Variants in NRG1 observed in about 807,000 individuals in gnomAD.
NRG1 encodes the protein neuregulin 1.
In NRG1, 18 loss-of-function variants were observed where a neutral mutation model predicts 63.8. That is an observed-to-expected ratio of 0.28 (90% confidence interval 0.19 to 0.42). The LOEUF is 0.42. Among genes scored for constraint, NRG1 ranks in the 10% least tolerant of loss-of-function variants. The pLI, the probability that NRG1 is intolerant of heterozygous loss-of-function variation, is 1.00. For missense variants in NRG1, 762 were observed against 814.7 expected (o/e 0.94, Z 0.79); for synonymous variants, 302 against 301.3 (o/e 1.00, Z -0.02).
intron 1 of NRG1, among the ~76,000 whole-genome samples, chr8:31,993,458 A>C (rs1261745700): frequency 1.3e-5 from 2 of 152,022 alleles, no homozygotes; most frequent in Non-Finnish European, 2.9e-5. Context: ...AGATGATTGA[A>C]TCATGGGGGC....
At chr8:31,784,332 G>C (rs1819977920) in intron 1 of NRG1, among the ~76,000 whole-genome samples, 1 of 152,186 alleles carries the variant, frequency 6.6e-6, no homozygotes, top group Non-Finnish European at 1.5e-5. Context: ...TATGAGCTAA[G>C]AGCTTCTGCA....
chr8:31,691,244 G>A (rs1280175956), intron 1 of NRG1, among the ~76,000 whole-genome samples: 2 of 152,136 alleles, frequency 1.3e-5, no homozygotes, highest in Non-Finnish European at 2.9e-5. Context: ...ATTAAAAGGT[G>A]AAAAACAGAA....
intron 1 of NRG1, among the ~76,000 whole-genome samples, chr8:32,343,106 G>A (rs1425287098): frequency 6.6e-6 from 1 of 152,166 alleles, no homozygotes; most frequent in African/African-American, 2.4e-5. Context: ...CCTGCATTAT[G>A]CCGAAGAGCT....
chr8:31,854,540 T>G (rs1827634152), intron 1 of NRG1, among the ~76,000 whole-genome samples: 1 of 152,034 alleles, frequency 6.6e-6, no homozygotes, highest in Non-Finnish European at 1.5e-5. Context: ...CTATCAATTT[T>G]GTTGATCCTT....
chr8:31,959,836 T>C (rs327401), intron 1 of NRG1, among the ~76,000 whole-genome samples: 93,220 of 119,184 alleles, frequency 0.78, 37,111 homozygotes, highest in African/African-American at 0.92. Flanking sequence ...TTTATTTATT[T>C]ATTATAGAGA....
chr8:32,074,113 C>G (rs10954824), intron 1 of NRG1, among the ~76,000 whole-genome samples: 147,927 of 152,268 alleles, frequency 0.97, 72,000 homozygotes, highest in East Asian at 1. Flanking sequence ...ATAACTTTTT[C>G]AAGAGGTACT....
At chr8:31,804,935 G>T (rs936603472) in intron 1 of NRG1, among the ~76,000 whole-genome samples, 2 of 152,228 alleles carry the variant, frequency 1.3e-5, no homozygotes, top group Admixed American at 6.5e-5. Context: ...GAAAGGAAAT[G>T]CTTCTCCATT....
chr8:32,635,282 A>C (rs1005201437), intron 5 of NRG1, among the ~76,000 whole-genome samples: 1 of 152,234 alleles, frequency 6.6e-6, no homozygotes, highest in Non-Finnish European at 1.5e-5. Context: ...GGATAGGTGG[A>C]TGGGTAGCTA....
At chr8:32,313,557 T>A (rs890343378) in intron 1 of NRG1, among the ~76,000 whole-genome samples, 1 of 152,244 alleles carries the variant, frequency 6.6e-6, no homozygotes, top group Non-Finnish European at 1.5e-5. Context: ...AAGTATGAGC[T>A]TGGGCCTTGT....
intron 1 of NRG1, among the ~76,000 whole-genome samples, chr8:31,816,606 A>T (rs978629944): frequency 2.6e-5 from 4 of 152,178 alleles, no homozygotes; most frequent in African/African-American, 7.2e-5. Flanking sequence ...TTATATCCTC[A>T]CTTTGTGAAC....
chr8:32,252,043 A>T (rs375695574), intron 1 of NRG1, among the ~76,000 whole-genome samples: 2 of 151,476 alleles, frequency 1.3e-5, no homozygotes, highest in South Asian at 4.2e-4. Flanking sequence ...TTTTGATGGG[A>T]TTGTTTTTTT....
At chr8:32,379,552 A>T (rs1810074722) in intron 1 of NRG1, among the ~76,000 whole-genome samples, 1 of 152,342 alleles carries the variant, frequency 6.6e-6, no homozygotes, top group South Asian at 2.1e-4. Context: ...GTAATTGCAT[A>T]TGATTGATAT....
intron 6 of NRG1, among the ~76,000 whole-genome samples, chr8:32,730,720 G>C (rs1823430887): frequency 6.6e-6 from 1 of 152,124 alleles, no homozygotes; most frequent in Admixed American, 6.5e-5. Flanking sequence ...GATGAACCAG[G>C]TTTTTAGTTT....
rs144457055 is a variant in NRG1, at chr8:31,951,040, A to T, written c.37+311609A>T. The stretch of plus-strand genomic sequence containing the variant: ...GACAGTTAATCCTCTTATTAACTTC[A>T]TGGTCATATTTCGCTCATTTGTTAG... On this transcript the variant is annotated intron_variant, in intron 1 of 10. Transcript: ENST00000519301. 2.6e-5 allele frequency among the ~76,000 whole-genome samples: 4 copies of T among 152,338 alleles called. No homozygotes were observed. In the East Asian group the frequency reaches 7.7e-4, roughly 29 times the overall value.
intron 1 of NRG1, among the ~76,000 whole-genome samples, chr8:32,385,707 A>G (rs1471371656): frequency 2.6e-5 from 4 of 152,110 alleles, no homozygotes; most frequent in African/African-American, 7.2e-5. Flanking sequence ...AACCACCCCT[A>G]TGATCCATCA....
intron 1 of NRG1, among the ~76,000 whole-genome samples, chr8:32,284,798 T>G (rs1319132605): frequency 3.3e-5 from 5 of 152,112 alleles, no homozygotes; most frequent in African/African-American, 4.8e-5. Flanking sequence ...ATCCTCTTGC[T>G]TCAAGGTCCC....
chr8:31,644,464 C>T (rs773587362), intron 1 of NRG1, among the ~76,000 whole-genome samples: 4 of 152,186 alleles, frequency 2.6e-5, no homozygotes, highest in Middle Eastern at 3.4e-3. Flanking sequence ...ACTAGGGGAT[C>T]GTTCTTGTTG....
At chr8:32,368,389 C>G (rs762340960) in intron 1 of NRG1, among the ~76,000 whole-genome samples, 1 of 151,968 alleles carries the variant, frequency 6.6e-6, no homozygotes, top group Non-Finnish European at 1.5e-5. Context: ...GGCAAGATAG[C>G]AAGACCCTGT....
chr8:32,330,967 T>TTTCCTGTA (rs1802571746), intron 1 of NRG1, among the ~76,000 whole-genome samples: 1 of 152,200 alleles, frequency 6.6e-6, no homozygotes, highest in Non-Finnish European at 1.5e-5. Context: ...TTTGTTTTGT[T>TTTCCTGTA]TTCCTGTACT....
Sources: allele counts gnomAD v4.1 joint callset (sites outside exome capture counted in the v4.1 genomes callset), GRCh38; gene constraint gnomAD v4.1.1; transcripts MANE v1.5; gene names NCBI Gene and HGNC (gene_info 2026-07-23, HGNC 2026-07-21).